Variants in DOCK1 observed in about 807,000 individuals in gnomAD.
DOCK1 encodes dedicator of cytokinesis 1.
DOCK1 carries 138 observed loss-of-function variants against 262.7 expected under a neutral mutation model. The observed-to-expected ratio is 0.53, with a 90% confidence interval of 0.46 to 0.61. The LOEUF (loss-of-function observed/expected upper bound fraction) is 0.61. Ranked by LOEUF, DOCK1 falls within the 20% of genes least tolerant of loss-of-function variation. DOCK1 has a pLI of 0.00. For missense variants in DOCK1, 1,908 were observed against 2,370.7 expected, an observed-to-expected ratio of 0.80 and a Z score of 4.05; for synonymous variants, 866 against 867.4, an observed-to-expected ratio of 1.00 and a Z score of 0.03.
intron 19 of DOCK1, among the ~76,000 whole-genome samples, chr10:127,039,664 T>C (rs1260697924): frequency 6.6e-6 from 1 of 152,148 alleles, no homozygotes; most frequent in Non-Finnish European, 1.5e-5. Context: ...GCCACGGGGC[T>C]GTTAATGGCC....
At chr10:126,934,437 C>T (rs1170029851) in intron 1 of DOCK1, among the ~76,000 whole-genome samples, 1 of 152,236 alleles carries the variant, frequency 6.6e-6, no homozygotes, top group African/African-American at 2.4e-5. Context: ...GGAGAGAAGC[C>T]GTGCACCATT....
chr10:127,080,237 G>A lies in DOCK1; in HGVS notation c.2445+18461G>A, dbSNP rs1196485638. On this transcript the variant is annotated intron_variant, in intron 23 of 51. Transcript: ENST00000623213. ...ATTTCCACCAGATCTCCACCAAGGA[G>A]TTTAGAACTGATGGACTCCAAGTCT... Among the ~76,000 whole-genome samples, 3 of 152,136 alleles carry A rather than the reference G, an allele frequency of 2.0e-5. No individual in the cohort carries two copies. In the East Asian group the frequency reaches 5.8e-4, roughly 29 times the overall value.
In DOCK1 at chr10:127,052,693, A is replaced by T. The variant is rs534778303; in HGVS notation, c.2214A>T (p.Lys738Asn). The T allele has an allele frequency of 1.9e-6, 3 of 1,613,958 alleles. No individual in the cohort carries two copies. The South Asian group carries it at 3.3e-5, about 18-fold the overall frequency. Reference sequence around the variant, plus strand: ...GCATTGTGAATAGGAAGTTGACAAAAGTGTTGAAGAACTACGTGGACGGTG... The same window carrying T: ...GCATTGTGAATAGGAAGTTGACAAATGTGTTGAAGAACTACGTGGACGGTG... ...SATLAYTKLTKVLKNYVDGAE... is the reference protein window; with the variant it reads ...SATLAYTKLTNVLKNYVDGAE... Residue 738 changes from lysine (K) to asparagine (N), a missense_variant, in exon 22 of 52, where the codon AAA becomes AAT. Lys to Asn is a moderately conservative substitution (Grantham distance 94). This residue lies in a region of DOCK1 where 518 missense variants were observed against 575.1 expected (regional missense o/e 0.90). Transcript: ENST00000623213.
chr10:126,932,359 C>A (rs1447024209), intron 1 of DOCK1, among the ~76,000 whole-genome samples: 2 of 152,164 alleles, frequency 1.3e-5, no homozygotes, highest in African/African-American at 4.8e-5. Context: ...TAGTAAGACC[C>A]GTGTCTCCAA....
chr10:127,226,387 C>T (rs7074361), intron 27 of DOCK1, among the ~76,000 whole-genome samples: 60,494 of 151,904 alleles, frequency 0.4, 12,607 homozygotes, highest in Middle Eastern at 0.47. Flanking sequence ...CCATGCCAGG[C>T]GCTCATGGCG....
At chr10:127,086,988 C>A (rs2047237039) in intron 23 of DOCK1, among the ~76,000 whole-genome samples, 1 of 152,028 alleles carries the variant, frequency 6.6e-6, no homozygotes, top group South Asian at 2.1e-4. Flanking sequence ...TTATTTAATC[C>A]AGAGTCACCT....
chr10:127,408,399 G>A lies in DOCK1; in HGVS notation c.4123-638G>A, dbSNP rs140617539. ...ACACATTCTGAATGCAGGAAGGGAA[G>A]TCCTGCTCTCCGTCCATCGCCAGTC... On this transcript the variant is annotated intron_variant, in intron 40 of 51. Coordinates refer to ENST00000623213, the MANE Select transcript of DOCK1 (RefSeq NM_001290223.2). Among the ~76,000 whole-genome samples the A allele has an allele frequency of 5.8e-3, 877 of 152,338 alleles. 11 individuals carry two copies. The highest frequency in any genetic ancestry group is 0.02 in the African/African-American group (828 of 41,586).
intron 6 of DOCK1, among the ~76,000 whole-genome samples, chr10:126,994,586 G>A (rs908624486): frequency 4.6e-5 from 7 of 152,184 alleles, no homozygotes; most frequent in African/African-American, 1.4e-4. Context: ...CCCTTAATCC[G>A]TTTAACCCTG....
At chr10:127,426,278 GTC>G (rs1236381307) in intron 47 of DOCK1, among the ~76,000 whole-genome samples, 1 of 152,242 alleles carries the variant, frequency 6.6e-6, no homozygotes, top group African/African-American at 2.4e-5. Context: ...TGTGAACACA[GTC>G]CAACCTTATT....
intron 3 of DOCK1, among the ~76,000 whole-genome samples, chr10:126,979,703 A>G (rs1011933917): frequency 6.6e-6 from 1 of 152,068 alleles, no homozygotes; most frequent in Non-Finnish European, 1.5e-5. Context: ...GGGCATAGCT[A>G]TTTTTCCATC....
chr10:127,277,236 A>G (rs1165250669), intron 29 of DOCK1, among the ~76,000 whole-genome samples: 12 of 152,194 alleles, frequency 7.9e-5, no homozygotes, highest in Admixed American at 7.9e-4. Context: ...AATTATAAAC[A>G]TTATTGGTAG....
At chr10:126,923,018 A>G (rs1413610637) in intron 1 of DOCK1, among the ~76,000 whole-genome samples, 1 of 152,140 alleles carries the variant, frequency 6.6e-6, no homozygotes, top group Non-Finnish European at 1.5e-5. Context: ...CTGAGGCAGG[A>G]GAATTGCTTC....
intron 21 of DOCK1, among the ~76,000 whole-genome samples, chr10:127,050,519 T>C (rs1367190187): frequency 6.7e-6 from 1 of 150,222 alleles, no homozygotes; most frequent in Non-Finnish European, 1.5e-5. Flanking sequence ...GAGACCAGCC[T>C]GGCCAATATG....
intron 27 of DOCK1, among the ~76,000 whole-genome samples, chr10:127,203,430 C>G (rs1440780704): frequency 6.6e-6 from 1 of 152,154 alleles, no homozygotes; most frequent in African/African-American, 2.4e-5. Flanking sequence ...CTAGTTTGGT[C>G]TAAGAATTGA....
chr10:126,931,553 G>C (rs2034188037), intron 1 of DOCK1, among the ~76,000 whole-genome samples: 1 of 152,186 alleles, frequency 6.6e-6, no homozygotes, highest in Non-Finnish European at 1.5e-5. Flanking sequence ...CAGACTTGGA[G>C]AGGCATGGAT....
rs146326658 is a variant in DOCK1, at chr10:127,129,015, G to A, written c.2847+1251G>A. The stretch of plus-strand genomic sequence containing the variant: ...CCCTGGTCCTTCCTGGTGCGTGACC[G>A]TTGTTCTTGTTGCATATCTGGGGTG... On this transcript the variant is annotated intron_variant, in intron 27 of 51. Coordinates refer to ENST00000623213, the MANE Select transcript of DOCK1 (RefSeq NM_001290223.2). 1.6e-4 allele frequency among the ~76,000 whole-genome samples: 24 copies of A among 152,252 alleles called. 2 individuals carry two copies. The highest frequency in any genetic ancestry group is 9.7e-4 in the East Asian group (5 of 5,172).
At chr10:127,200,324 T>C (rs1405239586) in intron 27 of DOCK1, among the ~76,000 whole-genome samples, 4 of 152,194 alleles carry the variant, frequency 2.6e-5, no homozygotes, top group African/African-American at 9.7e-5. Flanking sequence ...AATACTCATA[T>C]ATATGGGGAG....
chr10:127,429,311 C>T (rs1278046589), intron 47 of DOCK1, among the ~76,000 whole-genome samples: 4 of 152,020 alleles, frequency 2.6e-5, no homozygotes, highest in Admixed American at 6.5e-5. Flanking sequence ...ATCCTTTGAC[C>T]GCAACAGCAG....
Position 127,176,400 on chromosome 10 carries a change from C to T in DOCK1, c.2847+48636C>T. ...GCCGGTGTCCTTACTGACCATGGTTCCTGCATTCAGAAACAGCAACAGAGG... is the reference window on the plus strand; with the variant it reads ...GCCGGTGTCCTTACTGACCATGGTTTCTGCATTCAGAAACAGCAACAGAGG... On this transcript the variant is annotated intron_variant, in intron 27 of 51. Coordinates refer to ENST00000623213, the MANE Select transcript of DOCK1 (RefSeq NM_001290223.2). The surrounding 1 kb of genome is among the most constrained non-coding windows in gnomAD (Gnocchi z 4.4). 2 of 1,592,640 alleles carry T rather than the reference C, an allele frequency of 1.3e-6. No individual in the cohort carries two copies. The highest frequency in any genetic ancestry group is 1.7e-6 in the Non-Finnish European group (2 of 1,170,068).
Sources: gnomAD v4.1 joint callset for allele counts (sites outside exome capture counted in the v4.1 genomes callset) on GRCh38, gnomAD v4.1.1 for gene constraint, gnomAD v4.1.1 regional missense constraint, Gnocchi (gnomAD v3.1) non-coding constraint, MANE v1.5 for transcripts, NCBI Gene and HGNC (gene_info 2026-07-23, HGNC 2026-07-21) for gene names.